Variants in SHROOM4 observed in about 807,000 individuals in gnomAD.
SHROOM4 encodes protein Shroom4.
Under a neutral mutation model 80.3 loss-of-function variants are expected in SHROOM4, and 17 were observed. The observed-to-expected ratio is 0.21, with a 90% CI of 0.14 to 0.32. SHROOM4 has a LOEUF of 0.32. SHROOM4 is among the 10% of genes least tolerant of loss of function. SHROOM4 has a pLI of 1.00. For synonymous variants in SHROOM4, 400 were observed against 437.5 expected (o/e 0.91, Z 1.07); for missense variants, 993 against 1,140.3 (o/e 0.87, Z 1.86).
intron 2 of SHROOM4, among the ~76,000 whole-genome samples, chrX:50,655,847 T>A (rs966032634): frequency 9.0e-6 from 1 of 110,554 alleles, no homozygotes; most frequent in African/African-American, 3.3e-5. Context: ...CCCCTACTGT[T>A]TTCCATAATG....
rs368386355 is a variant in SHROOM4 at position 50,705,750 on chromosome X, G to A, written c.118-9813C>T. On this transcript the variant is annotated intron_variant, in intron 1 of 8. Transcript: ENST00000376020. ...CCCTGCCAACAAGGCATTTGAGCTC[G>A]CCTTTTCTACTTCATCTTCCCCTTC... Among the ~76,000 whole-genome samples, 25 of 109,408 alleles carry A rather than the reference G, an allele frequency of 2.3e-4. No individual in the cohort carries two copies. In the South Asian group the frequency reaches 7.3e-3, roughly 32 times the overall value.
In SHROOM4 at chrX:50,591,720, TTCTTTC is replaced by T. The variant is rs1315725602; in HGVS notation, c.*4969_*4974del. 1.4e-5 allele frequency: 4 copies of T among 295,184 alleles called. No individual in the cohort carries two copies. Among genetic ancestry groups the T allele is most frequent in the Non-Finnish European group, 2.5e-5 (4 of 159,975 alleles). 24.3% of individuals were successfully genotyped at this position (295,184 alleles called of 1,213,427 possible). On this transcript the variant is annotated 3_prime_UTR_variant, in exon 9 of 9. Transcript: ENST00000376020. ...TTTCTTTCTTTCTTTCTTTCTTTCT[TTCTTTC>T]TTTCTTTTTGAGACAAAGTCTCACT...
chrX:50,678,588 C>A (rs1557261528), intron 2 of SHROOM4, among the ~76,000 whole-genome samples: 1 of 111,601 alleles, frequency 9.0e-6, no homozygotes, highest in Non-Finnish European at 1.9e-5. Context: ...GACATCCTGT[C>A]ACCTCCACTC....
At position 50,701,775 on chromosome X, in the gene SHROOM4, G is replaced by T. The variant is rs1022137412; in HGVS notation, c.118-5838C>A. 1.8e-4 allele frequency among the ~76,000 whole-genome samples: 20 copies of T among 111,526 alleles called. 1 individual carries two copies. In the Admixed American group the frequency reaches 1.9e-3, roughly 11 times the overall value. The stretch of plus-strand genomic sequence containing the variant: ...AGCTGGATTACAGACCCAATGAGAG[G>T]ACTAAAATCATAAGGCTTTTAGAGA... On this transcript the variant is annotated intron_variant, in intron 1 of 8. Transcript: ENST00000376020.
At chrX:50,611,699 C>CCCG (rs1557249924) in intron 5 of SHROOM4, among the ~76,000 whole-genome samples, 1 of 110,544 alleles carries the variant, frequency 9.0e-6, no homozygotes, top group African/African-American at 3.3e-5. Flanking sequence ...GCGGGCGGAT[C>CCCG]ACTTGAGGCC....
At chrX:50,643,024 C>A (rs1471923227) in intron 2 of SHROOM4, among the ~76,000 whole-genome samples, 2 of 111,065 alleles carry the variant, frequency 1.8e-5, no homozygotes, top group Non-Finnish European at 3.8e-5. Flanking sequence ...GAGCTGAAAC[C>A]ATTCCCTCCA....
chrX:50,619,226 C>T (rs1324925266), intron 5 of SHROOM4, among the ~76,000 whole-genome samples: 3 of 110,954 alleles, frequency 2.7e-5, no homozygotes, highest in African/African-American at 6.6e-5. Context: ...ACCTCTTCCT[C>T]GGCCCTTTTG....
chrX:50,698,751 G>A lies in SHROOM4; in HGVS notation c.118-2814C>T, dbSNP rs1453772904. ...AGGTCAATGTCTCAGCCACATATTT[G>A]TTTATATGGAAGACAAAGCAGATGT... is the stretch of plus-strand genomic sequence containing the variant. On this transcript the variant is annotated intron_variant, in intron 1 of 8. Coordinates refer to ENST00000376020, the MANE Select transcript of SHROOM4 (RefSeq NM_020717.5). 2.7e-5 allele frequency among the ~76,000 whole-genome samples: 3 copies of A among 110,250 alleles called. No individual in the cohort carries two copies. The East Asian group carries it at 8.5e-4, about 31-fold the overall frequency.
At chrX:50,655,609 A>G in intron 2 of SHROOM4, among the ~76,000 whole-genome samples, 1 of 102,382 alleles carries the variant, frequency 9.8e-6, no homozygotes, top group South Asian at 4.0e-4. Context: ...ATCTTTATTC[A>G]TCATAAAGAA....
chrX:50,639,472 G>A (rs377459125), intron 2 of SHROOM4, among the ~76,000 whole-genome samples: 1 of 111,903 alleles, frequency 8.9e-6, no homozygotes, highest in East Asian at 2.8e-4. Context: ...GTGAATGGCA[G>A]AGTAAAAGAA....
intron 5 of SHROOM4, among the ~76,000 whole-genome samples, chrX:50,626,771 T>C (rs1224893548): frequency 8.9e-6 from 1 of 112,003 alleles, no homozygotes; most frequent in Admixed American, 9.5e-5. Context: ...CATAGGTTGT[T>C]TGGCAAGTGG....
intron 2 of SHROOM4, among the ~76,000 whole-genome samples, chrX:50,686,428 G>C (rs1317622616): frequency 9.0e-6 from 1 of 111,120 alleles, no homozygotes; most frequent in Non-Finnish European, 1.9e-5. Context: ...GAAAAGAGCA[G>C]TTACCAAATG....
intron 1 of SHROOM4, among the ~76,000 whole-genome samples, chrX:50,733,611 A>C (rs1226761926): frequency 8.9e-6 from 1 of 111,923 alleles, no homozygotes; most frequent in Non-Finnish European, 1.9e-5. Context: ...ATTTCTGTTT[A>C]TTATAAATTA....
chrX:50,608,923 A>G (rs916657717), intron 5 of SHROOM4, among the ~76,000 whole-genome samples: 1 of 111,790 alleles, frequency 8.9e-6, no homozygotes, highest in Non-Finnish European at 1.9e-5. Context: ...TGTAACAAAA[A>G]ACACCACACA....
At chrX:50,783,340 G>A (rs1271413474) in intron 1 of SHROOM4, among the ~76,000 whole-genome samples, 1 of 111,849 alleles carries the variant, frequency 8.9e-6, no homozygotes, top group African/African-American at 3.2e-5. Flanking sequence ...TCAAAAATAT[G>A]AAAGTACTTA....
downstream of SHROOM4, among the ~76,000 whole-genome samples, chrX:50,582,353 T>C (rs1189500932): frequency 7.2e-5 from 8 of 111,464 alleles, no homozygotes; most frequent in African/African-American, 2.6e-4. Flanking sequence ...AACTATGAGA[T>C]AGTAAATGTG....
intron 3 of SHROOM4, among the ~76,000 whole-genome samples, chrX:50,636,389 C>G (rs1931358446): frequency 9.0e-6 from 1 of 111,109 alleles, no homozygotes; most frequent in African/African-American, 3.3e-5. Flanking sequence ...TTCAGGTGTT[C>G]CCCTATTCTT....
At chrX:50,813,823 C>T (rs946320593) in intron 1 of SHROOM4, 79 bp downstream of exon 1, 1 of 785,544 alleles carries the variant, frequency 1.3e-6, no homozygotes, top group African/African-American at 2.0e-5. Flanking sequence ...GGCCTGAGGG[C>T]CCCGTCCAGC....
intron 1 of SHROOM4, among the ~76,000 whole-genome samples, chrX:50,788,834 C>T (rs781917043): frequency 3.6e-5 from 4 of 111,050 alleles, no homozygotes; most frequent in Admixed American, 9.6e-5. Flanking sequence ...TGGACAAAGA[C>T]ATTCCATACA....
Sources: allele counts gnomAD v4.1 joint callset (sites outside exome capture counted in the v4.1 genomes callset), GRCh38; gene constraint gnomAD v4.1.1; transcripts MANE v1.5; gene names NCBI Gene and HGNC (gene_info 2026-07-23, HGNC 2026-07-21).